SLC22A23: variants seen among roughly 807,000 people sequenced by gnomAD.
SLC22A23 encodes the protein solute carrier family 22 member 23, also known as ion transporter protein.
SLC22A23 carries 26 observed loss-of-function variants against 61.0 expected under a neutral mutation model. The observed-to-expected ratio is 0.43, with a 90% CI of 0.31 to 0.59. The LOEUF is 0.59. Among genes scored for constraint, SLC22A23 ranks in the 20% least tolerant of loss-of-function variants. The pLI, the probability that SLC22A23 is intolerant of heterozygous loss-of-function variation, is 0.11. For synonymous variants in SLC22A23, 430 were observed against 413.9 expected, an observed-to-expected ratio of 1.04 and a Z score of -0.47; for missense variants, 796 against 934.7, an observed-to-expected ratio of 0.85 and a Z score of 1.94.
chr6:3,285,049 G>A (rs887006191), intron 8 of SLC22A23, 30 bp downstream of exon 8: 31 of 1,611,516 alleles, frequency 1.9e-5, no homozygotes, highest in Non-Finnish European at 2.5e-5. Context: ...TATGAGACGA[G>A]GAAGCACAGC....
rs140811161 is a variant in SLC22A23 at position 3,282,516 on chromosome 6, C to G, written c.1703+1336G>C. 1.6e-3 allele frequency among the ~76,000 whole-genome samples: 242 copies of G among 152,338 alleles called. 2 individuals carry two copies. Among genetic ancestry groups the G allele is most frequent in the African/African-American group, 5.7e-3 (236 of 41,570 alleles). ...TGTGGAAAGTAAGAAAGTCCACGGA[C>G]CTGCCTACTTGCTCCCAAAGCCTTC... is the stretch of plus-strand genomic sequence containing the variant. On this transcript the variant is annotated intron_variant, in intron 9 of 9. Transcript: ENST00000406686.
In SLC22A23 at chr6:3,456,438, C is replaced by T; in HGVS notation, c.122G>A (p.Arg41His). ...DAAASAPLGG[R>H]AGPGGGAEIQ... The stretch of plus-strand genomic sequence containing the variant: ...CTCCGCGCCGCCGCCGGGGCCCGCG[C>T]GTCCCCCGAGGGGCGCCGAGGCCGC... Residue 41 changes from arginine to histidine, a missense_variant, in exon 1 of 10, where the codon CGC becomes CAC. Arg to His is a conservative substitution (Grantham distance 29). Coordinates refer to ENST00000406686, the MANE Select transcript of SLC22A23 (RefSeq NM_015482.2). This position sits in a 1 kb window ranked among gnomAD's most constrained non-coding sequence, Gnocchi z 7.1. The T allele has an allele frequency of 3.8e-6, 5 of 1,308,262 alleles. No homozygotes were observed. In the South Asian group the frequency reaches 1.1e-4, roughly 30 times the overall value. 81.0% of individuals were successfully genotyped at this position (1,308,262 alleles called of 1,614,324 possible).
chr6:3,316,262 T>C (rs1247536455), intron 4 of SLC22A23, among the ~76,000 whole-genome samples: 1 of 152,206 alleles, frequency 6.6e-6, no homozygotes, highest in Non-Finnish European at 1.5e-5. Flanking sequence ...CAAATAGGAA[T>C]AAATCCACCA....
At position 3,309,098 on chromosome 6, in the gene SLC22A23, G is replaced by C. The variant is rs187299174; in HGVS notation, c.1083-10880C>G. ...GTGGATCATTTGAGGTCAGGAGTTT[G>C]AGACCAGCCTGTCCAACATGGTGAA... On this transcript the variant is annotated intron_variant, in intron 4 of 9. Transcript: ENST00000406686. This position sits in a 1 kb window ranked among gnomAD's most constrained non-coding sequence, Gnocchi z 4.7. 1.7e-3 allele frequency among the ~76,000 whole-genome samples: 253 copies of C among 148,162 alleles called. 1 individual carries two copies. The highest frequency in any genetic ancestry group is 4.9e-3 in the African/African-American group (198 of 40,006).
At chr6:3,339,030 G>A (rs1484027293) in intron 3 of SLC22A23, among the ~76,000 whole-genome samples, 2 of 152,210 alleles carry the variant, frequency 1.3e-5, no homozygotes, top group African/African-American at 4.8e-5. Flanking sequence ...GAGAGGATGT[G>A]TGTGTGGAGA....
rs1437547831 is a variant in SLC22A23 at position 3,323,685 on chromosome 6, T to G, written c.1082+149A>C. ...AAGACAGAAAGTTTAAACAATAAAA[T>G]TTTTTAAAAAGAGAGGAAAACCTTC... On this transcript the variant is annotated intron_variant, in intron 4 of 9. Transcript: ENST00000406686. 4.1e-5 allele frequency: 38 copies of G among 922,868 alleles called. 1 individual carries two copies. The East Asian group carries it at 9.9e-4, about 24-fold the overall frequency. 57.2% of individuals were successfully genotyped at this position (922,868 alleles called of 1,614,324 possible). A position where few individuals can be genotyped will look rare whatever the true frequency, so the allele number is the denominator to read the frequency against.
intron 3 of SLC22A23, among the ~76,000 whole-genome samples, chr6:3,396,930 GT>G (rs1768048515): frequency 6.6e-6 from 1 of 152,190 alleles, no homozygotes; most frequent in African/African-American, 2.4e-5. Flanking sequence ...AAAGCCCTGT[GT>G]CCTTGCAATA....
intron 1 of SLC22A23, chr6:3,439,242 A>G (rs1010404309): frequency 1.7e-5 from 7 of 408,656 alleles, no homozygotes; most frequent in South Asian, 3.7e-5. Flanking sequence ...GTGTGACAAC[A>G]ACGACAAAAA....
chr6:3,356,425 G>T (rs1372139117), intron 3 of SLC22A23, among the ~76,000 whole-genome samples: 1 of 152,020 alleles, frequency 6.6e-6, no homozygotes. Flanking sequence ...CATCCAAGGG[G>T]CAGGGGAAGC....
chr6:3,432,111 A>G lies in SLC22A23; in HGVS notation c.655-16256T>C, dbSNP rs1770904699. The G allele has an allele frequency of 4.2e-6, 3 of 717,604 alleles. No individual in the cohort carries two copies. In the African/African-American group the frequency reaches 5.8e-5, roughly 14 times the overall value. 44.5% of individuals were successfully genotyped at this position (717,604 alleles called of 1,614,324 possible). On this transcript the variant is annotated intron_variant, in intron 1 of 9. Transcript: ENST00000406686. ...ATCTCTACCTTGGAAATTAGGTTCC[A>G]GGGGGCTGAGTAATCCCCAAGGTTC...
At chr6:3,430,658 C>G (rs527621657) in intron 1 of SLC22A23, among the ~76,000 whole-genome samples, 4 of 152,068 alleles carry the variant, frequency 2.6e-5, no homozygotes, top group Non-Finnish European at 4.4e-5. Context: ...TAAAGAGTAG[C>G]GGCAGCAGAC....
rs567297288 is a variant in SLC22A23 at position 3,362,726 on chromosome 6, C to A, written c.914-38724G>T. Among the ~76,000 whole-genome samples the A allele has an allele frequency of 3.3e-5, 5 of 152,266 alleles. No homozygotes were observed. The East Asian group carries it at 9.6e-4, about 29-fold the overall frequency. On this transcript the variant is annotated intron_variant, in intron 3 of 9. Transcript: ENST00000406686. ...CAGAGTGAGGATGGGAGAACCAGAG[C>A]CCAGCTCTCTCCATGGAGAAAGGCT... is the stretch of plus-strand genomic sequence containing the variant.
intron 3 of SLC22A23, among the ~76,000 whole-genome samples, chr6:3,393,802 G>A (rs1053106688): frequency 1.3e-5 from 2 of 152,184 alleles, no homozygotes; most frequent in African/African-American, 4.8e-5. Context: ...GTTTTCAATC[G>A]TTCCTTCATT....
chr6:3,414,071 C>T lies in SLC22A23; in HGVS notation c.758+1681G>A, dbSNP rs1769482477. 6.6e-6 allele frequency among the ~76,000 whole-genome samples: 1 copy of T among 152,186 alleles called. No homozygotes were observed. Among genetic ancestry groups the T allele is most frequent in the Admixed American group, 6.5e-5 (1 of 15,288 alleles). On this transcript the variant is annotated intron_variant, in intron 2 of 9. Coordinates refer to ENST00000406686, the MANE Select transcript of SLC22A23 (RefSeq NM_015482.2). The surrounding 1 kb of genome is among the most constrained non-coding windows in gnomAD (Gnocchi z 5.1). ...AGGGAGGCCACATCACATGTGTGTA[C>T]AAGAAGAAAGTTAAGAAAACAATCT...
At chr6:3,351,248 G>GA (rs1242826680) in intron 3 of SLC22A23, among the ~76,000 whole-genome samples, 2 of 152,024 alleles carry the variant, frequency 1.3e-5, no homozygotes, top group East Asian at 1.9e-4. Flanking sequence ...AGGCAGGATG[G>GA]AAAAAAAATC....
Position 3,272,901 on chromosome 6 carries a change from G to A in SLC22A23, c.*154C>T, listed in dbSNP as rs1758565510. On this transcript the variant is annotated 3_prime_UTR_variant, in exon 10 of 10. Coordinates refer to ENST00000406686, the MANE Select transcript of SLC22A23 (RefSeq NM_015482.2). The stretch of plus-strand genomic sequence containing the variant: ...TTGTCTCCTCCGACCCGCGCTCCTT[G>A]GACTTTTGGAAAGACAGGATTTCCC... 1.5e-6 allele frequency: 1 copy of A among 673,742 alleles called. No individual in the cohort carries two copies. Among genetic ancestry groups the A allele is most frequent in the Non-Finnish European group, 2.5e-6 (1 of 407,250 alleles). 41.7% of individuals were successfully genotyped at this position (673,742 alleles called of 1,614,324 possible). A position where few individuals can be genotyped will look rare whatever the true frequency, so the allele number is the denominator to read the frequency against.
intron 3 of SLC22A23, among the ~76,000 whole-genome samples, chr6:3,336,069 A>G (rs1191095177): frequency 2.7e-5 from 4 of 150,786 alleles, no homozygotes; most frequent in Non-Finnish European, 5.9e-5. Context: ...GGCCTGGGCG[A>G]AAGAGCGAGA....
At chr6:3,415,665 G>C in intron 2 of SLC22A23, 87 bp downstream of exon 2, 1 of 924,324 alleles carries the variant, frequency 1.1e-6, no homozygotes, top group Non-Finnish European at 1.7e-6. Flanking sequence ...GACAGTCATG[G>C]TAAGCTAACA....
intron 4 of SLC22A23, among the ~76,000 whole-genome samples, chr6:3,305,935 TAGTC>T (rs1249258700): frequency 6.6e-6 from 1 of 152,192 alleles, no homozygotes; most frequent in Non-Finnish European, 1.5e-5. Context: ...CCCATTATCT[TAGTC>T]TGTCTGTGTT....
Sources: allele counts gnomAD v4.1 joint callset (sites outside exome capture counted in the v4.1 genomes callset), GRCh38; gene constraint gnomAD v4.1.1; non-coding constraint Gnocchi (gnomAD v3.1); transcripts MANE v1.5; gene names NCBI Gene and HGNC (gene_info 2026-07-23, HGNC 2026-07-21).